The following ENOX1 variants were observed in gnomAD, a reference collection of about 807,000 sequenced individuals.
The protein encoded by ENOX1 is ecto-NOX disulfide-thiol exchanger 1.
Under a neutral mutation model 82.5 loss-of-function variants are expected in ENOX1, and 42 were observed. That is an observed-to-expected ratio of 0.51 (90% CI 0.40 to 0.66). The LOEUF is 0.66. ENOX1 is among the 30% of genes least tolerant of loss of function. ENOX1 has a pLI of 0.00. For missense variants in ENOX1, 608 were observed against 811.6 expected (o/e 0.75, Z 3.05); for synonymous variants, 271 against 282.2 (o/e 0.96, Z 0.40).
chr13:43,541,819 C>A (rs79333097), intron 2 of ENOX1, among the ~76,000 whole-genome samples: 4,938 of 152,212 alleles, frequency 0.032, 259 homozygotes, highest in African/African-American at 0.11. Flanking sequence ...ATTGGGCCTG[C>A]ATTCCATTTA....
intron 1 of ENOX1, among the ~76,000 whole-genome samples, chr13:43,707,605 C>T (rs1377751179): frequency 6.6e-6 from 1 of 151,356 alleles, no homozygotes; most frequent in Non-Finnish European, 1.5e-5. Context: ...TGGTGGTGCT[C>T]GCCTGTAGTC....
intron 14 of ENOX1, among the ~76,000 whole-genome samples, chr13:43,262,268 T>C (rs2044117369): frequency 6.6e-6 from 1 of 152,188 alleles, no homozygotes; most frequent in African/African-American, 2.4e-5. Flanking sequence ...ATACTTTTGC[T>C]TTTTACTTTT....
rs1413703165 is a variant in ENOX1 at position 43,762,557 on chromosome 13, G to T, written c.-285+24095C>A. On this transcript the variant is annotated intron_variant, in intron 1 of 16. Transcript: ENST00000690772. ...CACTAATCAAAACACAATATAGAAA[G>T]AAATGGAGAAGCACAACCTAAGTCT... Among the ~76,000 whole-genome samples the T allele has an allele frequency of 2.6e-5, 4 of 152,164 alleles. No homozygotes were observed. In the South Asian group the frequency reaches 6.2e-4, roughly 24 times the overall value.
At chr13:43,235,068 C>T (rs2042465948) in intron 15 of ENOX1, among the ~76,000 whole-genome samples, 1 of 152,152 alleles carries the variant, frequency 6.6e-6, no homozygotes, top group Non-Finnish European at 1.5e-5. Flanking sequence ...GGAAAAATCA[C>T]ACCTTGGTCA....
At chr13:43,454,091 T>C in intron 3 of ENOX1, among the ~76,000 whole-genome samples, 1 of 152,160 alleles carries the variant, frequency 6.6e-6, no homozygotes, top group Non-Finnish European at 1.5e-5. Context: ...GTTTTATAAT[T>C]TCTACTTCTT....
chr13:43,545,775 T>C (rs1434724949), intron 2 of ENOX1: 3 of 152,262 alleles, frequency 2.0e-5, no homozygotes, highest in Non-Finnish European at 4.4e-5. Flanking sequence ...GTCAGAAAGA[T>C]GTTTCAGAAG....
At chr13:43,698,104 G>C (rs979354506) in intron 1 of ENOX1, among the ~76,000 whole-genome samples, 1 of 152,210 alleles carries the variant, frequency 6.6e-6, no homozygotes, top group Admixed American at 6.5e-5. Flanking sequence ...AAGGAGATCA[G>C]AGAAAATGAA....
intron 2 of ENOX1, among the ~76,000 whole-genome samples, chr13:43,652,200 A>G (rs2084223183): frequency 6.6e-6 from 1 of 152,118 alleles, no homozygotes; most frequent in Non-Finnish European, 1.5e-5. Context: ...TCAGGGGTGG[A>G]GGGGTGGAAG....
chr13:43,344,259 G>A (rs911079006), intron 9 of ENOX1, among the ~76,000 whole-genome samples: 35 of 152,162 alleles, frequency 2.3e-4, no homozygotes, highest in Admixed American at 2.2e-3. Context: ...GGGTCCAGCA[G>A]GCACAGATGC....
At chr13:43,579,073 T>G (rs996133724) in intron 2 of ENOX1, among the ~76,000 whole-genome samples, 1 of 152,068 alleles carries the variant, frequency 6.6e-6, no homozygotes, top group Non-Finnish European at 1.5e-5. Context: ...AGTCTCATCA[T>G]TAAAATCAAG....
Position 43,321,088 on chromosome 13 carries a change from T to C in ENOX1, c.1261+1296A>G, listed in dbSNP as rs192612105. On this transcript the variant is annotated intron_variant, in intron 11 of 16. Coordinates refer to ENST00000690772, the MANE Select transcript of ENOX1 (RefSeq NM_001347969.2). The stretch of plus-strand genomic sequence containing the variant: ...AAAATAGTGGCATGGTGCCTACTTG[T>C]ATGTTAAGCACCTGAAAGATTAAAA... The C allele has an allele frequency of 6.8e-3, 3,107 of 456,300 alleles. 113 individuals are homozygous for C. Among genetic ancestry groups the C allele is most frequent in the South Asian group, 0.045 (2,927 of 64,562 alleles). The allele number at this position is 456,300 out of a possible 1,614,324, so 28.3% of individuals were successfully genotyped here.
chr13:43,499,104 G>A (rs1000366256), intron 2 of ENOX1, among the ~76,000 whole-genome samples: 16 of 151,850 alleles, frequency 1.1e-4, no homozygotes, highest in African/African-American at 3.1e-4. Context: ...TAACATATTA[G>A]GAAACTAATT....
intron 1 of ENOX1, among the ~76,000 whole-genome samples, chr13:43,703,287 A>T (rs564055209): frequency 6.6e-6 from 1 of 152,300 alleles, no homozygotes; most frequent in African/African-American, 2.4e-5. Context: ...CAGTGTGTAC[A>T]TTCTGTCCTC....
chr13:43,665,316 A>G (rs1377144369), intron 2 of ENOX1, among the ~76,000 whole-genome samples: 2 of 152,148 alleles, frequency 1.3e-5, no homozygotes, highest in Non-Finnish European at 2.9e-5. Context: ...CAAATAAGCA[A>G]CTCTAAAGAA....
At chr13:43,733,723 T>C (rs2089466565) in intron 1 of ENOX1, among the ~76,000 whole-genome samples, 1 of 152,208 alleles carries the variant, frequency 6.6e-6, no homozygotes, top group Non-Finnish European at 1.5e-5. Flanking sequence ...GGTTGAATTG[T>C]GTCCCCCTAA....
intron 1 of ENOX1, among the ~76,000 whole-genome samples, chr13:43,685,696 C>T (rs1164542681): frequency 2.0e-5 from 3 of 151,986 alleles, no homozygotes; most frequent in Admixed American, 6.6e-5. Context: ...CTGTCTTCCT[C>T]CTTCTGGACT....
At chr13:43,752,358 T>C (rs1190063965) in intron 1 of ENOX1, among the ~76,000 whole-genome samples, 1 of 152,200 alleles carries the variant, frequency 6.6e-6, no homozygotes, top group African/African-American at 2.4e-5. Flanking sequence ...GTACTATCTT[T>C]TGATGAGCAG....
chr13:43,361,571 G>T, intron 5 of ENOX1, 119 bp from the exon 6 acceptor site: 1 of 904,144 alleles, frequency 1.1e-6, no homozygotes, highest in Non-Finnish European at 1.6e-6. Flanking sequence ...AATTTCTCCT[G>T]GCATAAGATA....
chr13:43,403,649 C>T (rs1277846828), intron 5 of ENOX1, among the ~76,000 whole-genome samples: 1 of 152,024 alleles, frequency 6.6e-6, no homozygotes. Flanking sequence ...GAGTTAGAGC[C>T]CAGCCTGGGC....
Sources: gnomAD v4.1 joint callset for allele counts (sites outside exome capture counted in the v4.1 genomes callset) on GRCh38, gnomAD v4.1.1 for gene constraint, MANE v1.5 for transcripts, NCBI Gene and HGNC (gene_info 2026-07-23, HGNC 2026-07-21) for gene names.